Variants in SH3RF2 observed in about 807,000 individuals in gnomAD.
SH3RF2 encodes SH3 domain containing ring finger 2, also known as E3 ubiquitin-protein ligase SH3RF2.
SH3RF2 carries 43 observed loss-of-function variants against 59.0 expected under a neutral mutation model. The ratio of observed to expected loss-of-function variants is 0.73; its 90% confidence interval spans 0.57 to 0.94. SH3RF2 has a LOEUF of 0.94. Among genes scored for constraint, SH3RF2 ranks in the 40% least tolerant of loss-of-function variants. SH3RF2 has a pLI of 0.00. For synonymous variants in SH3RF2, 391 were observed against 391.5 expected, an observed-to-expected ratio of 1.00 and a Z score of 0.01; for missense variants, 930 against 940.1, an observed-to-expected ratio of 0.99 and a Z score of 0.14.
intron 2 of SH3RF2, among the ~76,000 whole-genome samples, chr5:145,989,651 T>C (rs901664236): frequency 3.3e-5 from 5 of 152,226 alleles, no homozygotes; most frequent in African/African-American, 1.2e-4. Flanking sequence ...AAACCATTGA[T>C]AAGCCATTAG....
intron 2 of SH3RF2, among the ~76,000 whole-genome samples, chr5:145,970,137 C>CA (rs1361299822): frequency 1.3e-5 from 2 of 148,418 alleles, no homozygotes; most frequent in Admixed American, 6.7e-5. Context: ...TTTTTTTTTT[C>CA]AATCGTTTTT....
At chr5:146,019,663 TTGTATTGAATC>T (rs1164090117) in intron 5 of SH3RF2, among the ~76,000 whole-genome samples, 2 of 152,170 alleles carry the variant, frequency 1.3e-5, no homozygotes, top group African/African-American at 4.8e-5. Context: ...TTCATAGAAA[TTGTATTGAATC>T]TGTAGATTAC....
At chr5:145,942,743 G>A (rs765428054) in intron 2 of SH3RF2, among the ~76,000 whole-genome samples, 7 of 152,146 alleles carry the variant, frequency 4.6e-5, no homozygotes, top group Non-Finnish European at 8.8e-5. Context: ...AGACCCAGAT[G>A]GTTCTCCAGC....
chr5:145,974,891 G>A (rs938847649), intron 2 of SH3RF2, among the ~76,000 whole-genome samples: 1 of 152,188 alleles, frequency 6.6e-6, no homozygotes, highest in Non-Finnish European at 1.5e-5. Context: ...AAATCTGTAG[G>A]TCTACAATAT....
At chr5:145,993,734 C>A (rs990957481) in intron 2 of SH3RF2, among the ~76,000 whole-genome samples, 1 of 152,246 alleles carries the variant, frequency 6.6e-6, no homozygotes, top group Non-Finnish European at 1.5e-5. Flanking sequence ...GCCCATGAAA[C>A]CACTTTTTCC....
At chr5:146,007,492 G>T (rs560295414) in intron 4 of SH3RF2, among the ~76,000 whole-genome samples, 2 of 152,282 alleles carry the variant, frequency 1.3e-5, no homozygotes, top group Middle Eastern at 6.8e-3. Context: ...AAGGACAGAC[G>T]TCAGCTGCAA....
At chr5:146,024,164 C>T (rs1022239645) in intron 5 of SH3RF2, among the ~76,000 whole-genome samples, 1 of 152,210 alleles carries the variant, frequency 6.6e-6, no homozygotes, top group Non-Finnish European at 1.5e-5. Flanking sequence ...CAATGATTTT[C>T]AAAAGTGATT....
intron 4 of SH3RF2, among the ~76,000 whole-genome samples, chr5:146,010,129 T>G (rs1760816722): frequency 6.6e-6 from 1 of 151,796 alleles, no homozygotes; most frequent in South Asian, 2.1e-4. Flanking sequence ...ACATGCGGTG[T>G]TTGGTTTTTG....
At chr5:146,048,990 A>G in intron 6 of SH3RF2, 85 bp from the exon 7 acceptor site, 1 of 1,481,372 alleles carries the variant, frequency 6.8e-7, no homozygotes, top group East Asian at 2.3e-5. Flanking sequence ...ACCACTGGGC[A>G]GTCTCTCTCC....
Position 145,984,632 on chromosome 5 carries a change from T to G in SH3RF2, c.379-15426T>G, listed in dbSNP as rs534265373. On this transcript the variant is annotated intron_variant, in intron 2 of 9. Coordinates refer to ENST00000359120, the MANE Select transcript of SH3RF2 (RefSeq NM_152550.4). Reference sequence around the variant, plus strand: ...TCAGGAGGTTTCCCTAAGTTCAGACTTTTTGTTGAAAGAAATGACCTTATG... The same window carrying G: ...TCAGGAGGTTTCCCTAAGTTCAGACGTTTTGTTGAAAGAAATGACCTTATG... Among the ~76,000 whole-genome samples the G allele has an allele frequency of 7.9e-5, 12 of 152,342 alleles. 1 individual carries two copies. The highest frequency in any genetic ancestry group is 2.6e-4 in the African/African-American group (11 of 41,590).
chr5:146,050,500 A>T (rs1239408586), intron 7 of SH3RF2, among the ~76,000 whole-genome samples: 1 of 152,260 alleles, frequency 6.6e-6, no homozygotes, highest in Non-Finnish European at 1.5e-5. Flanking sequence ...ATAAAAGATC[A>T]TAGCTTTTCC....
At chr5:145,974,159 A>C (rs2149964056) in intron 2 of SH3RF2, among the ~76,000 whole-genome samples, 1 of 152,336 alleles carries the variant, frequency 6.6e-6, no homozygotes, top group South Asian at 2.1e-4. Context: ...GTTGGCTGGA[A>C]GCTTCCTTCA....
At chr5:146,023,826 T>C (rs1761424104) in intron 5 of SH3RF2, among the ~76,000 whole-genome samples, 1 of 152,350 alleles carries the variant, frequency 6.6e-6, no homozygotes, top group East Asian at 1.9e-4. Context: ...TTGCCTATTC[T>C]GGATGTTTTC....
chr5:146,047,278 T>G (rs1762338282), intron 5 of SH3RF2, among the ~76,000 whole-genome samples: 1 of 152,154 alleles, frequency 6.6e-6, no homozygotes, highest in Non-Finnish European at 1.5e-5. Flanking sequence ...TTTCTTTCCC[T>G]CTTTGTCTCA....
chr5:146,007,602 T>TG (rs1440951346), intron 4 of SH3RF2, among the ~76,000 whole-genome samples: 3 of 152,096 alleles, frequency 2.0e-5, no homozygotes, highest in East Asian at 1.9e-4. Flanking sequence ...AAGTCTGGGC[T>TG]GGGGGGGAAG....
At chr5:146,004,984 T>C (rs546642265) in intron 4 of SH3RF2, among the ~76,000 whole-genome samples, 2 of 152,240 alleles carry the variant, frequency 1.3e-5, no homozygotes, top group South Asian at 4.1e-4. Context: ...TATAAATATA[T>C]ATGTGTTTAT....
chr5:145,942,791 G>A (rs1012332520), intron 2 of SH3RF2, among the ~76,000 whole-genome samples: 1 of 152,096 alleles, frequency 6.6e-6, no homozygotes, highest in Non-Finnish European at 1.5e-5. Flanking sequence ...TAACCACATG[G>A]CCCCACACTG....
chr5:145,985,352 C>T (rs764752864), intron 2 of SH3RF2, among the ~76,000 whole-genome samples: 18 of 152,172 alleles, frequency 1.2e-4, no homozygotes, highest in Non-Finnish European at 2.4e-4. Context: ...TTAAGTAAAC[C>T]ACTTGAAATC....
intron 4 of SH3RF2, among the ~76,000 whole-genome samples, chr5:146,008,336 G>A (rs1760730743): frequency 6.6e-6 from 1 of 152,212 alleles, no homozygotes. Context: ...TGTTAGAAAA[G>A]CTGACGGTGG....
Sources: gnomAD v4.1 joint callset for allele counts (sites outside exome capture counted in the v4.1 genomes callset) on GRCh38, gnomAD v4.1.1 for gene constraint, MANE v1.5 for transcripts, NCBI Gene and HGNC (gene_info 2026-07-23, HGNC 2026-07-21) for gene names.